Variants in HS6ST3 observed in about 807,000 individuals in gnomAD.
HS6ST3 encodes heparan-sulfate 6-O-sulfotransferase 3.
Under a neutral mutation model 36.7 loss-of-function variants are expected in HS6ST3, and 12 were observed. That is an observed-to-expected ratio of 0.33 (90% CI 0.21 to 0.53). HS6ST3 has a LOEUF of 0.53. Ranked by LOEUF, HS6ST3 falls within the 20% of genes least tolerant of loss-of-function variation. The probability of loss-of-function intolerance (pLI) is 0.95; values close to 1 mark genes in which losing one functional copy is unlikely to be tolerated. For synonymous variants in HS6ST3, 240 were observed against 257.5 expected (o/e 0.93, Z 0.65); for missense variants, 584 against 640.9 (o/e 0.91, Z 0.96).
At chr13:96,667,557 G>A (rs114388291) in intron 1 of HS6ST3, among the ~76,000 whole-genome samples, 245 of 152,252 alleles carry the variant, frequency 1.6e-3, no homozygotes, top group African/African-American at 5.8e-3. Context: ...CCTTCCACCA[G>A]AACGATAATG....
chr13:96,783,998 T>G lies in HS6ST3; in HGVS notation c.708-48492T>G, dbSNP rs576214496. On this transcript the variant is annotated intron_variant, in intron 1 of 1. Coordinates refer to ENST00000376705, the MANE Select transcript of HS6ST3 (RefSeq NM_153456.4). ...CAGAGGACATGAGGTCCTGGAGGCCTCTCTTGATCTTCATATTTTTGAGCT... is the reference window on the plus strand; with the variant it reads ...CAGAGGACATGAGGTCCTGGAGGCCGCTCTTGATCTTCATATTTTTGAGCT... Among the ~76,000 whole-genome samples, 6 of 152,134 alleles carry G rather than the reference T, an allele frequency of 3.9e-5. No homozygotes were observed. In the East Asian group the frequency reaches 9.7e-4, roughly 25 times the overall value.
chr13:96,348,449 C>T (rs1383883554), intron 1 of HS6ST3, among the ~76,000 whole-genome samples: 1 of 152,190 alleles, frequency 6.6e-6, no homozygotes, highest in Admixed American at 6.5e-5. Context: ...TAGTACTAAT[C>T]AGTGACTAAC....
chr13:96,364,598 T>A (rs963278096), intron 1 of HS6ST3, among the ~76,000 whole-genome samples: 2 of 151,996 alleles, frequency 1.3e-5, no homozygotes. Context: ...GTTACAAGGG[T>A]CTGGGGGAGG....
At chr13:96,492,984 G>A (rs904460000) in intron 1 of HS6ST3, among the ~76,000 whole-genome samples, 2 of 152,070 alleles carry the variant, frequency 1.3e-5, no homozygotes, top group Non-Finnish European at 1.5e-5. Context: ...ACTGGCCAAG[G>A]GCACTCTGCC....
intron 1 of HS6ST3, among the ~76,000 whole-genome samples, chr13:96,583,973 C>G (rs2056351713): frequency 6.6e-6 from 1 of 152,166 alleles, no homozygotes; most frequent in Non-Finnish European, 1.5e-5. Flanking sequence ...TTAGGTATCA[C>G]CAAATGGCTT....
intron 1 of HS6ST3, among the ~76,000 whole-genome samples, chr13:96,445,660 A>G (rs1165153482): frequency 6.6e-6 from 1 of 151,762 alleles, no homozygotes; most frequent in Non-Finnish European, 1.5e-5. Flanking sequence ...TGAGGCCAGG[A>G]GTTCGAGACC....
chr13:96,807,544 GATTGCCAGCAA>G (rs1450806810), intron 1 of HS6ST3, among the ~76,000 whole-genome samples: 1 of 152,100 alleles, frequency 6.6e-6, no homozygotes, highest in Non-Finnish European at 1.5e-5. Flanking sequence ...AAACACCAAC[GATTGCCAGCAA>G]AATGCCAGAA....
At chr13:96,746,985 T>C (rs2138489158) in intron 1 of HS6ST3, among the ~76,000 whole-genome samples, 1 of 152,236 alleles carries the variant, frequency 6.6e-6, no homozygotes, top group African/African-American at 2.4e-5. Flanking sequence ...ATAATATTTT[T>C]CAAAAAGCTT....
At chr13:96,198,105 A>T (rs2054322950) in intron 1 of HS6ST3, among the ~76,000 whole-genome samples, 1 of 152,214 alleles carries the variant, frequency 6.6e-6, no homozygotes, top group Non-Finnish European at 1.5e-5. Context: ...CACCATGTGG[A>T]AGCTGCCAAG....
chr13:96,311,510 T>G (rs1594749979), intron 1 of HS6ST3, among the ~76,000 whole-genome samples: 1 of 152,312 alleles, frequency 6.6e-6, no homozygotes, highest in Non-Finnish European at 1.5e-5. Flanking sequence ...CCCCTTATTC[T>G]TTGATACTCC....
At chr13:96,144,770 C>T (rs1020110609) in intron 1 of HS6ST3, among the ~76,000 whole-genome samples, 1 of 143,636 alleles carries the variant, frequency 7.0e-6, no homozygotes, top group African/African-American at 2.6e-5. Context: ...AGGTATATCA[C>T]CTAATGCTCT....
intron 1 of HS6ST3, among the ~76,000 whole-genome samples, chr13:96,486,529 C>T (rs559235293): frequency 1.1e-3 from 172 of 152,164 alleles, no homozygotes; most frequent in African/African-American, 3.9e-3. Context: ...CAGCACTTGT[C>T]GTTTTCTGAC....
At position 96,091,539 on chromosome 13, in the gene HS6ST3, A is replaced by C; in HGVS notation, c.677A>C (p.Lys226Thr). The change falls in exon 1 of 2, where the codon AAG becomes ACG. Residue 226 changes from lysine to threonine, a missense_variant. By Grantham distance (78) the Lys-to-Thr change is moderately conservative (BLOSUM62 -1). Transcript: ENST00000376705. ...TNCVPAIMEK[K>T]DCPRNHSHTR... The stretch of plus-strand genomic sequence containing the variant: ...TGCGTGCCGGCCATCATGGAGAAGA[A>C]GGACTGTCCCCGCAACCACAGCCAC... 1 of 1,587,548 alleles carries C rather than the reference A, an allele frequency of 6.3e-7. No homozygotes were observed. The highest frequency in any genetic ancestry group is 1.1e-5 in the South Asian group (1 of 88,326).
chr13:96,641,960 T>TACCTATG (rs1460219456), intron 1 of HS6ST3, among the ~76,000 whole-genome samples: 1 of 151,886 alleles, frequency 6.6e-6, no homozygotes, highest in African/African-American at 2.4e-5. Flanking sequence ...TTTTTAAATG[T>TACCTATG]ACCTATGTGG....
At chr13:96,727,164 A>T (rs191268011) in intron 1 of HS6ST3, among the ~76,000 whole-genome samples, 217 of 152,286 alleles carry the variant, frequency 1.4e-3, no homozygotes, top group African/African-American at 4.9e-3. Flanking sequence ...TGAACTTAAT[A>T]AATGGAGTTA....
chr13:96,481,210 C>G (rs979347989), intron 1 of HS6ST3, among the ~76,000 whole-genome samples: 1 of 152,302 alleles, frequency 6.6e-6, no homozygotes, highest in South Asian at 2.1e-4. Context: ...TGTCTAAAAT[C>G]AAAGTGCACG....
At chr13:96,244,773 C>T (rs1047406501) in intron 1 of HS6ST3, among the ~76,000 whole-genome samples, 4 of 152,118 alleles carry the variant, frequency 2.6e-5, no homozygotes, top group Non-Finnish European at 4.4e-5. Context: ...TGCCAGGGAT[C>T]GAAATCTATG....
At position 96,748,338 on chromosome 13, in the gene HS6ST3, C is replaced by T. The variant is rs548178179; in HGVS notation, c.708-84152C>T. The stretch of plus-strand genomic sequence containing the variant: ...AGGCTTAGGTCAGGCTTGTCTACCC[C>T]TGTAATCCAGGATGTGGAGTGTTAT... On this transcript the variant is annotated intron_variant, in intron 1 of 1. Coordinates refer to ENST00000376705, the MANE Select transcript of HS6ST3 (RefSeq NM_153456.4). Among the ~76,000 whole-genome samples, 7 of 152,180 alleles carry T rather than the reference C, an allele frequency of 4.6e-5. No individual in the cohort carries two copies. The East Asian group carries it at 1.4e-3, about 30-fold the overall frequency.
chr13:96,793,321 G>C (rs925407423), intron 1 of HS6ST3, among the ~76,000 whole-genome samples: 1 of 152,014 alleles, frequency 6.6e-6, no homozygotes, highest in Non-Finnish European at 1.5e-5. Flanking sequence ...TTTTTGATTG[G>C]AGAGGTTCTC....
Sources: allele counts gnomAD v4.1 joint callset (sites outside exome capture counted in the v4.1 genomes callset), GRCh38; gene constraint gnomAD v4.1.1; transcripts MANE v1.5; gene names NCBI Gene and HGNC (gene_info 2026-07-23, HGNC 2026-07-21).